Variants in SLC4A10 observed in about 807,000 individuals in gnomAD.
SLC4A10 encodes the protein solute carrier family 4 member 10.
In SLC4A10, 42 loss-of-function variants were observed where a neutral mutation model predicts 137.7. That is an observed-to-expected ratio of 0.30 (90% CI 0.24 to 0.39). The LOEUF (loss-of-function observed/expected upper bound fraction) is 0.39. Among genes scored for constraint, SLC4A10 ranks in the 10% least tolerant of loss-of-function variants. The pLI is 1.00. For synonymous variants in SLC4A10, 474 were observed against 464.1 expected (o/e 1.02, Z -0.27); for missense variants, 925 against 1,355.0 (o/e 0.68, Z 4.98).
intron 1 of SLC4A10, among the ~76,000 whole-genome samples, chr2:161,696,898 T>C (rs574149104): frequency 2.0e-5 from 3 of 152,236 alleles, no homozygotes; most frequent in Non-Finnish European, 4.4e-5. Flanking sequence ...TCCACAATGG[T>C]TGAACTAGTT....
At chr2:161,769,181 A>G (rs977075973) in intron 1 of SLC4A10, among the ~76,000 whole-genome samples, 1 of 151,970 alleles carries the variant, frequency 6.6e-6, no homozygotes, top group Non-Finnish European at 1.5e-5. Flanking sequence ...CCCTTGAGTG[A>G]CGACATTACA....
intron 1 of SLC4A10, among the ~76,000 whole-genome samples, chr2:161,717,409 T>C (rs2045051626): frequency 6.6e-6 from 1 of 152,220 alleles, no homozygotes; most frequent in African/African-American, 2.4e-5. Context: ...GCCCATGCAG[T>C]ATGATATTGG....
intron 23 of SLC4A10, among the ~76,000 whole-genome samples, chr2:161,965,654 G>A (rs1697449610): frequency 6.6e-6 from 1 of 152,094 alleles, no homozygotes. Context: ...TGTTTAGTAG[G>A]AAAAATGTTG....
intron 1 of SLC4A10, among the ~76,000 whole-genome samples, chr2:161,689,491 C>T (rs868564842): frequency 6.6e-6 from 1 of 152,152 alleles, no homozygotes; most frequent in Non-Finnish European, 1.5e-5. Context: ...GGCTTAGAAG[C>T]AATAGGTTAT....
rs1268725961 is a variant in SLC4A10, at chr2:161,879,132, T to G, written c.950T>G (p.Val317Gly). Residue 317 changes from valine (V) to glycine (G), a missense_variant and splice_region_variant, in exon 9 of 27, where the codon GTT becomes GGT. This residue lies in a region of SLC4A10 where 277 missense variants were observed against 306.1 expected (regional missense o/e 0.90). Coordinates refer to ENST00000446997, the MANE Select transcript of SLC4A10 (RefSeq NM_001178015.2). The stretch of plus-strand genomic sequence containing the variant: ...ATATTTACCTGGTGATGCTTGCAGG[T>G]TGATCTGCATTTTATGAAAAAGATT... ...KGPPHQQERE[V>G]DLHFMKKIPP... The G allele has an allele frequency of 6.2e-7, 1 of 1,612,704 alleles. No homozygotes were observed. The highest frequency in any genetic ancestry group is 8.5e-7 in the Non-Finnish European group (1 of 1,179,188).
intron 1 of SLC4A10, among the ~76,000 whole-genome samples, chr2:161,648,913 T>G (rs914824913): frequency 6.6e-6 from 1 of 152,166 alleles, no homozygotes; most frequent in Non-Finnish European, 1.5e-5. Context: ...AAGTAATACC[T>G]CAGTGAAAAA....
At chr2:161,849,354 G>A (rs1203473257) in intron 4 of SLC4A10, among the ~76,000 whole-genome samples, 1 of 152,044 alleles carries the variant, frequency 6.6e-6, no homozygotes, top group African/African-American at 2.4e-5. Context: ...GAAGAGAGAT[G>A]ATTTGACTTC....
intron 15 of SLC4A10, among the ~76,000 whole-genome samples, chr2:161,920,327 G>C (rs1432134363): frequency 6.6e-6 from 1 of 152,104 alleles, no homozygotes; most frequent in Non-Finnish European, 1.5e-5. Context: ...AGGGATCTAT[G>C]ACATTAACCC....
At chr2:161,855,400 T>G (rs1161271320) in intron 5 of SLC4A10, among the ~76,000 whole-genome samples, 1 of 152,088 alleles carries the variant, frequency 6.6e-6, no homozygotes, top group African/African-American at 2.4e-5. Context: ...TTATCATATT[T>G]AGACTCTCAC....
At chr2:161,639,314 A>G (rs1354164840) in intron 1 of SLC4A10, among the ~76,000 whole-genome samples, 3 of 152,146 alleles carry the variant, frequency 2.0e-5, no homozygotes, top group Admixed American at 6.5e-5. Context: ...CCAGACAAGG[A>G]CACAACAAAA....
chr2:161,698,427 G>T (rs1034335649), intron 1 of SLC4A10, among the ~76,000 whole-genome samples: 1 of 152,200 alleles, frequency 6.6e-6, no homozygotes, highest in Admixed American at 6.5e-5. Context: ...CATTCAGCAT[G>T]ATATTGGCTG....
At chr2:161,961,917 A>G (rs1360560547) in intron 21 of SLC4A10, among the ~76,000 whole-genome samples, 1 of 152,214 alleles carries the variant, frequency 6.6e-6, no homozygotes, top group Non-Finnish European at 1.5e-5. Flanking sequence ...ACTGAGAAAC[A>G]GTGTTCGTGA....
At chr2:161,894,885 T>C in intron 11 of SLC4A10, 60 bp downstream of exon 11, 1 of 901,962 alleles carries the variant, frequency 1.1e-6, no homozygotes, top group Non-Finnish European at 1.5e-6. Context: ...TAAATGCATG[T>C]TTTATTTTAT....
chr2:161,983,070 G>A (rs1305754865), intron 26 of SLC4A10, 109 bp from the exon 27 acceptor site: 30 of 892,642 alleles, frequency 3.4e-5, no homozygotes, highest in East Asian at 5.3e-5. Context: ...CAATGCCTAC[G>A]GGCTCTTGTG....
At chr2:161,860,993 T>A (rs554453817) in intron 5 of SLC4A10, among the ~76,000 whole-genome samples, 3 of 152,218 alleles carry the variant, frequency 2.0e-5, no homozygotes, top group East Asian at 3.9e-4. Flanking sequence ...AAAAGTTTCA[T>A]TGGAGCATAA....
At chr2:161,969,549 T>G (rs746298312) in intron 23 of SLC4A10, among the ~76,000 whole-genome samples, 6 of 152,144 alleles carry the variant, frequency 3.9e-5, no homozygotes, top group Non-Finnish European at 5.9e-5. Context: ...GGCTACTTAC[T>G]GTTAAAGGCA....
At chr2:161,748,196 C>T (rs1407519123) in intron 1 of SLC4A10, among the ~76,000 whole-genome samples, 2 of 151,968 alleles carry the variant, frequency 1.3e-5, no homozygotes, top group African/African-American at 2.4e-5. Flanking sequence ...ATATGATTTT[C>T]AAATATTTTC....
chr2:161,638,103 T>C (rs996742077), intron 1 of SLC4A10, among the ~76,000 whole-genome samples: 2 of 152,198 alleles, frequency 1.3e-5, no homozygotes, highest in African/African-American at 4.8e-5. Context: ...GTTTATTGTT[T>C]CCTTTACTGA....
intron 1 of SLC4A10, among the ~76,000 whole-genome samples, chr2:161,648,269 C>G (rs930921688): frequency 6.6e-6 from 1 of 151,934 alleles, no homozygotes. Context: ...GAGGCTGCAA[C>G]TATACTTTTC....
Sources: gnomAD v4.1 joint callset for allele counts (sites outside exome capture counted in the v4.1 genomes callset) on GRCh38, gnomAD v4.1.1 for gene constraint, gnomAD v4.1.1 regional missense constraint, MANE v1.5 for transcripts, NCBI Gene and HGNC (gene_info 2026-07-23, HGNC 2026-07-21) for gene names.